ZBTB38: variants seen among roughly 807,000 people sequenced by gnomAD.
The protein encoded by ZBTB38 is zinc finger and BTB domain containing 38, also known as zinc finger and BTB domain-containing protein 38.
ZBTB38 carries 20 observed loss-of-function variants against 76.8 expected under a neutral mutation model. That is an observed-to-expected ratio of 0.26 (90% CI 0.18 to 0.38). The LOEUF (loss-of-function observed/expected upper bound fraction) is 0.38, where lower values mean the gene tolerates loss of function less well. Among genes scored for constraint, ZBTB38 ranks in the 10% least tolerant of loss-of-function variants. The probability of loss-of-function intolerance (pLI) is 1.00; values close to 1 mark genes in which losing one functional copy is unlikely to be tolerated. For missense variants in ZBTB38, 1,082 were observed against 1,482.3 expected (o/e 0.73, Z 4.43); for synonymous variants, 504 against 544.2 (o/e 0.93, Z 1.03).
intron 1 of ZBTB38, among the ~76,000 whole-genome samples, chr3:141,340,819 C>T (rs978228408): frequency 6.6e-6 from 1 of 151,486 alleles, no homozygotes; most frequent in Non-Finnish European, 1.5e-5. Context: ...ATGACATGAA[C>T]CCAGGAGGTG....
intron 4 of ZBTB38, among the ~76,000 whole-genome samples, chr3:141,401,096 A>G (rs548937640): frequency 6.9e-4 from 105 of 152,358 alleles, no homozygotes; most frequent in African/African-American, 2.4e-3. Context: ...TTAATAGATC[A>G]CAAATTTTTT....
At chr3:141,349,140 C>T (rs1421484460) in intron 1 of ZBTB38, among the ~76,000 whole-genome samples, 2 of 152,164 alleles carry the variant, frequency 1.3e-5, no homozygotes, top group Non-Finnish European at 2.9e-5. Flanking sequence ...CCTTTTCTCC[C>T]TCACTCCACT....
intron 1 of ZBTB38, among the ~76,000 whole-genome samples, chr3:141,345,948 A>G (rs1422574122): frequency 6.6e-6 from 1 of 152,128 alleles, no homozygotes; most frequent in Non-Finnish European, 1.5e-5. Context: ...GAAGGGTATG[A>G]GTGGAAGGCA....
Position 141,395,466 on chromosome 3 carries a change from T to C in ZBTB38, c.-105-8461T>C, listed in dbSNP as rs1309264664. ...GGCTTAGTGCAGGAGCCAGTCTAAA[T>C]CAATGGCCTTCTATACATTTAGTTT... On this transcript the variant is annotated intron_variant, in intron 4 of 5. Coordinates refer to ENST00000321464, the MANE Select transcript of ZBTB38 (RefSeq NM_001376113.1). Among the ~76,000 whole-genome samples the C allele has an allele frequency of 2.0e-5, 3 of 152,212 alleles. No individual in the cohort carries two copies. In the East Asian group the frequency reaches 5.8e-4, roughly 29 times the overall value.
rs147977850 is a variant in ZBTB38, at chr3:141,375,298, T to G, written c.-235+5352T>G. 2.7e-3 allele frequency among the ~76,000 whole-genome samples: 416 copies of G among 152,280 alleles called. 2 individuals are homozygous for G. Among genetic ancestry groups the G allele is most frequent in the Non-Finnish European group, 4.5e-3 (304 of 68,014 alleles). On this transcript the variant is annotated intron_variant, in intron 2 of 5. Transcript: ENST00000321464. ...TTACTTCCTGGTGGTCACTCAGAGA[T>G]TTAATGGCAAAGGTTGAACTAGACA... is the stretch of plus-strand genomic sequence containing the variant.
chr3:141,421,636 C>T (rs1002957394), intron 5 of ZBTB38, among the ~76,000 whole-genome samples: 1 of 152,170 alleles, frequency 6.6e-6, no homozygotes, highest in Non-Finnish European at 1.5e-5. Flanking sequence ...TTGCTCCCTC[C>T]CTGGTGGGGA....
chr3:141,430,148 C>A (rs1041511756), intron 5 of ZBTB38, among the ~76,000 whole-genome samples: 1 of 152,274 alleles, frequency 6.6e-6, no homozygotes, highest in Non-Finnish European at 1.5e-5. Context: ...TCACTGCAAC[C>A]TCTGCCTCCT....
intron 1 of ZBTB38, among the ~76,000 whole-genome samples, chr3:141,326,051 T>G (rs1233256289): frequency 6.6e-6 from 1 of 152,234 alleles, no homozygotes; most frequent in Non-Finnish European, 1.5e-5. Context: ...TTTTTTAAAC[T>G]TAGTGGATAT....
intron 5 of ZBTB38, among the ~76,000 whole-genome samples, chr3:141,425,122 C>T (rs1457665086): frequency 3.3e-5 from 5 of 152,206 alleles, no homozygotes; most frequent in Non-Finnish European, 5.9e-5. Context: ...TACCAAAGTT[C>T]AGACTTTTAG....
chr3:141,421,414 A>G (rs1422734603), intron 5 of ZBTB38, among the ~76,000 whole-genome samples: 3 of 151,730 alleles, frequency 2.0e-5, no homozygotes, highest in African/African-American at 4.8e-5. Context: ...GGTGTGAGCT[A>G]CCACACCCAC....
chr3:141,349,436 A>G (rs1039402147), intron 1 of ZBTB38, among the ~76,000 whole-genome samples: 5 of 152,214 alleles, frequency 3.3e-5, no homozygotes, highest in African/African-American at 4.8e-5. Context: ...AATCACCACT[A>G]GTAAGCTCAT....
Position 141,443,231 on chromosome 3 carries a change from T to A in ZBTB38, c.843T>A (p.Asn281Lys), listed in dbSNP as rs2080609941. 6.2e-7 allele frequency: 1 copy of A among 1,613,888 alleles called. No homozygotes were observed. The highest frequency in any genetic ancestry group is 1.1e-5 in the South Asian group (1 of 91,078). ...AGGATTCGGATTCAGCCACAGAAAA[T>A]ATACCACCCCCTCCAGTATCCAACT... The part of the protein sequence containing the change: ...IPQDSDSATE[N>K]IPPPPVSNLE... Residue 281 changes from asparagine (N) to lysine (K), a missense_variant, in exon 6 of 6, where the codon AAT becomes AAA. Physicochemically the swap from Asn to Lys is moderately conservative, Grantham distance 94 (BLOSUM62 0). Around this residue, in one of 8 missense-constraint regions of ZBTB38, gnomAD observed 324 missense variants for 359.1 expected, o/e 0.90. Transcript: ENST00000321464. The surrounding 1 kb of genome is among the most constrained non-coding windows in gnomAD (Gnocchi z 5.6).
At chr3:141,426,960 G>A (rs374072081) in intron 5 of ZBTB38, among the ~76,000 whole-genome samples, 20 of 152,032 alleles carry the variant, frequency 1.3e-4, no homozygotes, top group Non-Finnish European at 1.9e-4. Context: ...CAGCAATGTC[G>A]ATTTGTGTGT....
chr3:141,359,124 G>A (rs1405521299), intron 1 of ZBTB38, among the ~76,000 whole-genome samples: 1 of 152,208 alleles, frequency 6.6e-6, no homozygotes, highest in African/African-American at 2.4e-5. Flanking sequence ...GGTGGTTCTC[G>A]AGTTGGCCCA....
chr3:141,430,149 T>G (rs2077184270), intron 5 of ZBTB38, among the ~76,000 whole-genome samples: 1 of 152,196 alleles, frequency 6.6e-6, no homozygotes, highest in African/African-American at 2.4e-5. Context: ...CACTGCAACC[T>G]CTGCCTCCTG....
chr3:141,353,491 T>C (rs542243356), intron 1 of ZBTB38, among the ~76,000 whole-genome samples: 103 of 152,166 alleles, frequency 6.8e-4, no homozygotes, highest in African/African-American at 2.3e-3. Context: ...TGGAAGAAAA[T>C]TGAGAATCAA....
chr3:141,345,875 C>A (rs1426817626), intron 1 of ZBTB38, among the ~76,000 whole-genome samples: 1 of 152,094 alleles, frequency 6.6e-6, no homozygotes. Context: ...CTGAAGACAC[C>A]CCCATGGATT....
At chr3:141,363,714 G>A (rs1267603607), upstream of ZBTB38, among the ~76,000 whole-genome samples, 1 of 152,020 alleles carries the variant, frequency 6.6e-6, no homozygotes, top group African/African-American at 2.4e-5. Flanking sequence ...AGTTTTATAT[G>A]TACAGAATTA....
chr3:141,326,261 T>G (rs1942672630), intron 1 of ZBTB38, among the ~76,000 whole-genome samples: 1 of 152,222 alleles, frequency 6.6e-6, no homozygotes, highest in African/African-American at 2.4e-5. Flanking sequence ...AGTTTGCTCT[T>G]TGCAGCTTTA....
Sources: allele counts gnomAD v4.1 joint callset (sites outside exome capture counted in the v4.1 genomes callset), GRCh38; gene constraint gnomAD v4.1.1; regional missense constraint gnomAD v4.1.1; non-coding constraint Gnocchi (gnomAD v3.1); transcripts MANE v1.5; gene names NCBI Gene and HGNC (gene_info 2026-07-23, HGNC 2026-07-21).